Variants in TRIM14 observed in about 807,000 individuals in gnomAD.
TRIM14 encodes the protein tripartite motif containing 14, also known as tripartite motif-containing protein 14.
In TRIM14, 28 loss-of-function variants were observed where a neutral mutation model predicts 44.5. The ratio of observed to expected loss-of-function variants is 0.63; its 90% CI spans 0.47 to 0.86. The LOEUF (loss-of-function observed/expected upper bound fraction) is 0.86, where lower values mean the gene tolerates loss of function less well. Ranked by LOEUF, TRIM14 falls within the 40% of genes least tolerant of loss-of-function variation. TRIM14 has a pLI of 0.00. For synonymous variants in TRIM14, 299 were observed against 269.2 expected (o/e 1.11, Z -1.08); for missense variants, 607 against 611.1 (o/e 0.99, Z 0.07).
intron 2 of TRIM14, among the ~76,000 whole-genome samples, chr9:98,104,346 T>C (rs973628055): frequency 7.2e-5 from 11 of 152,158 alleles, no homozygotes; most frequent in Non-Finnish European, 1.6e-4. Flanking sequence ...CCAACCAAGT[T>C]ATGCTCCAAG....
chr9:98,051,959 C>T, the TRIM14 span, among the ~76,000 whole-genome samples: 723 of 152,126 alleles, frequency 4.8e-3, 3 homozygotes, highest in African/African-American at 0.017. Flanking sequence ...CTTCTTTGAT[C>T]CAAGCGTGCA....
At chr9:98,072,974 C>G (rs988270960) in intron 6 of TRIM14, among the ~76,000 whole-genome samples, 3 of 152,198 alleles carry the variant, frequency 2.0e-5, no homozygotes, top group Non-Finnish European at 2.9e-5. Flanking sequence ...GTCAGGGCTT[C>G]TGGTTGAAAG....
At chr9:98,046,446 GT>G in the TRIM14 span, among the ~76,000 whole-genome samples, 5 of 148,128 alleles carry the variant, frequency 3.4e-5, no homozygotes, top group Non-Finnish European at 6.0e-5. Flanking sequence ...TTTGTTTTTT[GT>G]TTTTTTTTTC....
Position 98,087,453 on chromosome 9 carries a change from C to T in TRIM14, c.*17G>A, listed in dbSNP as rs761915076. On this transcript the variant is annotated 3_prime_UTR_variant, in exon 6 of 6. Transcript: ENST00000341469. ...CAGCTGCGGCGTACCTGGAGGCTGTCACGCCGGTCCTGGCCCCTAGGGCAG... is the reference window on the plus strand; with the variant it reads ...CAGCTGCGGCGTACCTGGAGGCTGTTACGCCGGTCCTGGCCCCTAGGGCAG... 59 of 1,605,428 alleles carry T rather than the reference C, an allele frequency of 3.7e-5. No individual in the cohort carries two copies. In the South Asian group the frequency reaches 5.5e-4, roughly 15 times the overall value.
At chr9:98,099,366 T>G (rs1465157506) in intron 3 of TRIM14, among the ~76,000 whole-genome samples, 2 of 149,532 alleles carry the variant, frequency 1.3e-5, no homozygotes, top group African/African-American at 4.9e-5. Flanking sequence ...CCAGGAGAAC[T>G]GCTTGAACCC....
chr9:98,069,993 T>C (rs573184960), intron 6 of TRIM14, among the ~76,000 whole-genome samples: 1 of 152,344 alleles, frequency 6.6e-6, no homozygotes, highest in African/African-American at 2.4e-5. Flanking sequence ...TTACAAGACA[T>C]TACCATTGGG....
At chr9:98,115,224 G>A (rs1471700542) in intron 1 of TRIM14, among the ~76,000 whole-genome samples, 1 of 151,306 alleles carries the variant, frequency 6.6e-6, no homozygotes, top group African/African-American at 2.4e-5. Flanking sequence ...TGAGTAGCTG[G>A]GACTACAGGT....
intron 1 of TRIM14, among the ~76,000 whole-genome samples, chr9:98,116,666 G>C (rs1422739150): frequency 6.6e-6 from 1 of 151,282 alleles, no homozygotes; most frequent in Admixed American, 6.6e-5. Flanking sequence ...GTGAAACCCC[G>C]TCTCTACAAA....
chr9:98,118,991 C>T lies in TRIM14; in HGVS notation c.198G>A (p.Val66=). ...TCCCCATCGTCCCCACCTGCACGTGCACCGCTGCCTCCAGCGCCAGGCCCA... is the reference window on the plus strand; with the variant it reads ...TCCCCATCGTCCCCACCTGCACGTGTACCGCTGCCTCCAGCGCCAGGCCCA... ...HPVGLALEAA[V]HVQKLSQECL... is the part of the protein sequence containing the mutation. The change falls in exon 1 of 6, where the codon GTG becomes GTA. Residue 66 remains valine (V), a synonymous_variant. Transcript: ENST00000341469. The T allele has an allele frequency of 6.5e-7, 1 of 1,548,552 alleles. No individual in the cohort carries two copies.
the TRIM14 span, among the ~76,000 whole-genome samples, chr9:98,054,673 T>G: frequency 6.6e-6 from 1 of 152,176 alleles, no homozygotes; most frequent in Admixed American, 6.5e-5. Context: ...TATTGCAAAG[T>G]GTACTCCATA....
At chr9:98,092,256 G>A (rs1393081717) in intron 4 of TRIM14, among the ~76,000 whole-genome samples, 1 of 152,210 alleles carries the variant, frequency 6.6e-6, no homozygotes, top group Non-Finnish European at 1.5e-5. Flanking sequence ...CGGCGACTCA[G>A]GGAAGATGTG....
chr9:98,073,589 T>TC (rs1829450838), intron 6 of TRIM14, among the ~76,000 whole-genome samples: 1 of 148,660 alleles, frequency 6.7e-6, no homozygotes, highest in South Asian at 2.1e-4. Flanking sequence ...GGCCTGGGCT[T>TC]CTTTTTTTTT....
rs111549497 is a variant in TRIM14, at chr9:98,089,962, G to A, written c.793+1947C>T. The stretch of plus-strand genomic sequence containing the variant: ...TCTTGTTAATTGAACTCTGCAAAGC[G>A]TTGAGCAACTGAACCTGTGTTTCGG... On this transcript the variant is annotated intron_variant, in intron 5 of 5. Coordinates refer to ENST00000341469, the MANE Select transcript of TRIM14 (RefSeq NM_014788.4). Among the ~76,000 whole-genome samples, 1,352 of 152,276 alleles carry A rather than the reference G, an allele frequency of 8.9e-3. 18 individuals carry two copies. Among genetic ancestry groups the A allele is most frequent in the African/African-American group, 0.031 (1,294 of 41,544 alleles).
chr9:98,058,747 G>A, the TRIM14 span, among the ~76,000 whole-genome samples: 1 of 152,178 alleles, frequency 6.6e-6, no homozygotes, highest in Non-Finnish European at 1.5e-5. Flanking sequence ...GCCACATAGC[G>A]AGACCCTGTC....
the TRIM14 span, among the ~76,000 whole-genome samples, chr9:98,053,750 G>A: frequency 4.0e-5 from 6 of 151,556 alleles, no homozygotes; most frequent in African/African-American, 9.7e-5. Context: ...AGAACGGAGC[G>A]GCCTTTGATA....
chr9:98,039,728 G>T, the TRIM14 span, among the ~76,000 whole-genome samples: 1 of 152,026 alleles, frequency 6.6e-6, no homozygotes, highest in Non-Finnish European at 1.5e-5. Context: ...TGCAAGAAGA[G>T]AGCTCCGACT....
chr9:98,050,210 A>G, the TRIM14 span, among the ~76,000 whole-genome samples: 9 of 152,248 alleles, frequency 5.9e-5, no homozygotes, highest in African/African-American at 1.9e-4. Flanking sequence ...TGATGTACAG[A>G]AAATCTTTAG....
chr9:98,092,210 C>G (rs866570128), intron 4 of TRIM14, among the ~76,000 whole-genome samples: 1 of 152,112 alleles, frequency 6.6e-6, no homozygotes. Context: ...GGAGCTGAGG[C>G]GCGAACAACT....
rs544086305 is a variant in TRIM14, at chr9:98,100,184, T to A, written c.304-20A>T. The A allele has an allele frequency of 5.2e-5, 84 of 1,605,080 alleles. No individual in the cohort carries two copies. The South Asian group carries it at 6.9e-4, about 13-fold the overall frequency. The stretch of plus-strand genomic sequence containing the variant: ...ATTAGCCTAAAAACAGAAAAACCAG[T>A]TGCAGATGACATGTCTGCCAACCAG... On this transcript the variant is annotated intron_variant, in intron 2 of 5. Coordinates refer to ENST00000341469, the MANE Select transcript of TRIM14 (RefSeq NM_014788.4).
Sources: allele counts gnomAD v4.1 joint callset (sites outside exome capture counted in the v4.1 genomes callset), GRCh38; gene constraint gnomAD v4.1.1; transcripts MANE v1.5; gene names NCBI Gene and HGNC (gene_info 2026-07-23, HGNC 2026-07-21).